DENND4C: variants seen among roughly 807,000 people sequenced by gnomAD.
DENND4C encodes the protein DENN domain containing 4C, also known as DENN domain-containing protein 4C.
A neutral mutation model predicts 203.0 loss-of-function variants in DENND4C; 108 were observed. The ratio of observed to expected loss-of-function variants is 0.53; its 90% CI spans 0.46 to 0.62. The LOEUF (loss-of-function observed/expected upper bound fraction) is 0.62. DENND4C is among the 20% of genes least tolerant of loss of function. The probability of loss-of-function intolerance (pLI) is 0.00; values close to 1 mark genes in which losing one functional copy is unlikely to be tolerated. For missense variants in DENND4C, 2,481 were observed against 2,301.2 expected, an observed-to-expected ratio of 1.08 and a Z score of -1.60; for synonymous variants, 871 against 792.4, an observed-to-expected ratio of 1.10 and a Z score of -1.67.
intron 2 of DENND4C, among the ~76,000 whole-genome samples, chr9:19,283,791 T>C (rs548039232): frequency 1.1e-4 from 17 of 151,770 alleles, no homozygotes; most frequent in Non-Finnish European, 2.1e-4. Flanking sequence ...GACGGTGTTT[T>C]TCCATGTTGG....
At chr9:19,326,036 T>C in intron 14 of DENND4C, 28 bp from the exon 15 acceptor site, 2 of 1,607,006 alleles carry the variant, frequency 1.2e-6, no homozygotes, top group Non-Finnish European at 1.7e-6. Flanking sequence ...TGTATGCAAA[T>C]TAATTGGGGA....
intron 26 of DENND4C, among the ~76,000 whole-genome samples, chr9:19,354,712 A>G (rs957071793): frequency 6.6e-6 from 1 of 150,516 alleles, no homozygotes; most frequent in Non-Finnish European, 1.5e-5. Context: ...TGCCCAGCTA[A>G]TTTTTGTAAT....
At chr9:19,262,578 T>A (rs1359471441) in intron 1 of DENND4C, among the ~76,000 whole-genome samples, 1 of 151,898 alleles carries the variant, frequency 6.6e-6, no homozygotes, top group Non-Finnish European at 1.5e-5. Context: ...ACTACAGGTG[T>A]GCACTCCCAC....
rs1390196943 is a variant in DENND4C at position 19,356,786 on chromosome 9, T to TGAGAGAGAGA, written c.4782-185_4782-184insAGAGAGAGAG. Among the ~76,000 whole-genome samples the TGAGAGAGAGA allele has an allele frequency of 2.2e-3, 266 of 118,758 alleles. 1 individual carries two copies. The highest frequency in any genetic ancestry group is 9.2e-3 in the African/African-American group (255 of 27,646). 77.9% of individuals were successfully genotyped at this position (118,758 alleles called of 152,430 possible). On this transcript the variant is annotated intron_variant, in intron 26 of 32. Transcript: ENST00000434457. The stretch of plus-strand genomic sequence containing the variant: ...ATGAGAGCAGGAATGTGTGTGTGTG[T>TGAGAGAGAGA]GTGAGAGAGAGAGAGAGAGAGAGAG...
At chr9:19,345,592 T>C (rs1373446920) in intron 22 of DENND4C, among the ~76,000 whole-genome samples, 30 of 152,252 alleles carry the variant, frequency 2.0e-4, no homozygotes, top group Non-Finnish European at 1.5e-5. Context: ...GATACAAAAC[T>C]AAGATGGAAG....
In DENND4C at chr9:19,337,610, T is replaced by A. The variant is rs150333564; in HGVS notation, c.2881+778T>A. 1.7e-4 allele frequency: 212 copies of A among 1,282,748 alleles called. No individual in the cohort carries two copies. The African/African-American group carries it at 3.0e-3, about 18-fold the overall frequency. 79.5% of individuals were successfully genotyped at this position (1,282,748 alleles called of 1,614,324 possible). A position where few individuals can be genotyped will look rare whatever the true frequency, so the allele number is the denominator to read the frequency against. On this transcript the variant is annotated intron_variant, in intron 20 of 32. Coordinates refer to ENST00000434457, the MANE Select transcript of DENND4C (RefSeq NM_001330640.2). ...ATGGTGTGGGGTGCAGACAGACTTA[T>A]ATGACGTGAAGCTATGGATACACGT...
intron 5 of DENND4C, among the ~76,000 whole-genome samples, chr9:19,293,164 T>C (rs916379997): frequency 1.3e-5 from 2 of 152,200 alleles, no homozygotes; most frequent in Non-Finnish European, 2.9e-5. Context: ...CTTCAAACAT[T>C]AGTTACCTAA....
chr9:19,240,302 C>T (rs1823353235), intron 1 of DENND4C, among the ~76,000 whole-genome samples: 1 of 152,132 alleles, frequency 6.6e-6, no homozygotes, highest in African/African-American at 2.4e-5. Flanking sequence ...TACTGATACT[C>T]TAGGCAGCTA....
chr9:19,368,651 A>T (rs1436184805), intron 30 of DENND4C, among the ~76,000 whole-genome samples: 1 of 152,024 alleles, frequency 6.6e-6, no homozygotes, highest in Admixed American at 6.6e-5. Context: ...AAAAATAAAA[A>T]ATTAGCTAGA....
chr9:19,330,924 T>G lies in DENND4C; in HGVS notation c.2254-1054T>G, dbSNP rs184306850. Among the ~76,000 whole-genome samples, 224 of 151,628 alleles carry G rather than the reference T, an allele frequency of 1.5e-3. 1 individual carries two copies. Among genetic ancestry groups the G allele is most frequent in the Non-Finnish European group, 2.4e-3 (161 of 67,890 alleles). ...CAAAAAAATTAGCTGGGCATGGTGGTGGGTGCCTGTAATCCCAGCTACTCA... is the reference window on the plus strand; with the variant it reads ...CAAAAAAATTAGCTGGGCATGGTGGGGGGTGCCTGTAATCCCAGCTACTCA... On this transcript the variant is annotated intron_variant, in intron 16 of 32. Transcript: ENST00000434457.
At chr9:19,257,069 CA>C (rs1210659006) in intron 1 of DENND4C, among the ~76,000 whole-genome samples, 98 of 103,888 alleles carry the variant, frequency 9.4e-4, no homozygotes, top group Admixed American at 1.3e-3. Flanking sequence ...GACTCCGTCT[CA>C]AAAAAAAAAA....
chr9:19,288,360 T>C (rs145503286), intron 3 of DENND4C, among the ~76,000 whole-genome samples: 1 of 152,354 alleles, frequency 6.6e-6, no homozygotes, highest in East Asian at 1.9e-4. Flanking sequence ...TGTGAAATTC[T>C]AAATCTTTTG....
At position 19,253,758 on chromosome 9, in the gene DENND4C, G is replaced by C. The variant is rs189110985; in HGVS notation, c.-17-22400G>C. Among the ~76,000 whole-genome samples the C allele has an allele frequency of 1.2e-4, 18 of 152,160 alleles. No individual in the cohort carries two copies. In the East Asian group the frequency reaches 3.5e-3, roughly 29 times the overall value. Reference sequence around the variant, plus strand: ...TTTTTGAGACAAGGTCTCACTCTGAGCGACCTAACCCAGTGCATTTAGTCT... The same window carrying C: ...TTTTTGAGACAAGGTCTCACTCTGACCGACCTAACCCAGTGCATTTAGTCT... On this transcript the variant is annotated intron_variant, in intron 1 of 32. Coordinates refer to ENST00000434457, the MANE Select transcript of DENND4C (RefSeq NM_001330640.2).
At chr9:19,342,243 A>G (rs928194473) in intron 21 of DENND4C, among the ~76,000 whole-genome samples, 1 of 151,174 alleles carries the variant, frequency 6.6e-6, no homozygotes, top group African/African-American at 2.4e-5. Flanking sequence ...ATTTTGGCTT[A>G]TGGAATAAGA....
rs1829006717 is a variant in DENND4C at position 19,372,477 on chromosome 9, A to G, written c.*304A>G. ...AGTTTGATAGAAATAATGAGGAACC[A>G]TATTCATTCTAGGCATTGTTTATAT... On this transcript the variant is annotated 3_prime_UTR_variant, in exon 33 of 33. Coordinates refer to ENST00000434457, the MANE Select transcript of DENND4C (RefSeq NM_001330640.2). The G allele has an allele frequency of 8.4e-6, 2 of 239,274 alleles. No homozygotes were observed. Among genetic ancestry groups the G allele is most frequent in the East Asian group, 1.7e-4 (2 of 11,434 alleles). 14.8% of individuals were successfully genotyped at this position (239,274 alleles called of 1,614,324 possible).
At chr9:19,361,450 G>A (rs6475324) in intron 29 of DENND4C, among the ~76,000 whole-genome samples, 28,922 of 151,988 alleles carry the variant, frequency 0.19, 4,860 homozygotes, top group African/African-American at 0.45. Context: ...AGACACTCAG[G>A]CCCTAAACAT....
At chr9:19,337,665 C>T (rs1820779544) in intron 20 of DENND4C, 2 of 1,288,326 alleles carry the variant, frequency 1.6e-6, no homozygotes, top group Non-Finnish European at 2.0e-6. Flanking sequence ...GAATGTTAAC[C>T]ACATCAGGTA....
chr9:19,305,597 G>T, intron 10 of DENND4C, 70 bp downstream of exon 10: 2 of 1,451,304 alleles, frequency 1.4e-6, no homozygotes, highest in Non-Finnish European at 9.3e-7. Context: ...TTCTTTGAAA[G>T]CATCTAGAAA....
chr9:19,304,281 T>A (rs1335112394), intron 9 of DENND4C, among the ~76,000 whole-genome samples: 1 of 148,794 alleles, frequency 6.7e-6, no homozygotes, highest in East Asian at 2.0e-4. Flanking sequence ...GCCTCCCGGG[T>A]TCAAGCGATT....
Sources: allele counts gnomAD v4.1 joint callset (sites outside exome capture counted in the v4.1 genomes callset), GRCh38; gene constraint gnomAD v4.1.1; transcripts MANE v1.5; gene names NCBI Gene and HGNC (gene_info 2026-07-23, HGNC 2026-07-21).